Variants in TMEM181 observed in about 807,000 individuals in gnomAD.
The protein encoded by TMEM181 is transmembrane protein 181, also known as G protein-coupled receptor 178.
In TMEM181, 39 loss-of-function variants were observed where a neutral mutation model predicts 71.9. The ratio of observed to expected loss-of-function variants is 0.54; its 90% CI spans 0.42 to 0.71. The LOEUF (loss-of-function observed/expected upper bound fraction) is 0.71. TMEM181 is among the 30% of genes least tolerant of loss of function. The pLI is 0.00. For missense variants in TMEM181, 595 were observed against 583.0 expected, an observed-to-expected ratio of 1.02 and a Z score of -0.21; for synonymous variants, 245 against 228.8, an observed-to-expected ratio of 1.07 and a Z score of -0.64.
chr6:158,584,649 C>G lies in TMEM181; in HGVS notation c.259+605C>G, dbSNP rs150796013. Among the ~76,000 whole-genome samples, 28 of 152,324 alleles carry G rather than the reference C, an allele frequency of 1.8e-4. No homozygotes were observed. In the East Asian group the frequency reaches 4.4e-3, roughly 24 times the overall value. ...GAAGATAACCAAATCCTTTTCTGTT[C>G]TGTGCCTCACATGAGACACTCTGGT... On this transcript the variant is annotated intron_variant, in intron 4 of 16. Transcript: ENST00000684151.
chr6:158,607,124 T>C, intron 7 of TMEM181, 120 bp from the exon 8 acceptor site: 1 of 771,646 alleles, frequency 1.3e-6, no homozygotes, highest in Non-Finnish European at 2.3e-6. Context: ...CAGCGACTCT[T>C]AGTGGGGCAC....
chr6:158,541,007 G>A (rs1024400058), intron 1 of TMEM181, among the ~76,000 whole-genome samples: 5 of 148,248 alleles, frequency 3.4e-5, no homozygotes, highest in Admixed American at 3.3e-4. Context: ...TGAGCTCAAG[G>A]ATGTGAGGGA....
At chr6:158,612,470 TAAG>T (rs1463204486) in intron 10 of TMEM181, among the ~76,000 whole-genome samples, 1 of 152,218 alleles carries the variant, frequency 6.6e-6, no homozygotes, top group African/African-American at 2.4e-5. Context: ...TCCTGTCAGT[TAAG>T]AATCTTTGAA....
At chr6:158,631,457 A>G (rs1441017292) in intron 16 of TMEM181, 68 bp downstream of exon 16, 91 of 1,488,260 alleles carry the variant, frequency 6.1e-5, no homozygotes, top group Non-Finnish European at 8.5e-5. Flanking sequence ...ATGTTTCTGA[A>G]TGGGTTACTC....
At chr6:158,630,154 A>C (rs9364984) in intron 15 of TMEM181, among the ~76,000 whole-genome samples, 51,049 of 152,042 alleles carry the variant, frequency 0.34, 9,000 homozygotes, top group East Asian at 0.66. Context: ...ATACCCAAAC[A>C]ACCATTCTGT....
intron 5 of TMEM181, among the ~76,000 whole-genome samples, chr6:158,587,082 C>G (rs955219669): frequency 1.3e-5 from 2 of 152,166 alleles, no homozygotes; most frequent in African/African-American, 4.8e-5. Context: ...CTCAATGGAC[C>G]ATTAGTCAGG....
At chr6:158,627,855 G>C (rs1021756330) in intron 13 of TMEM181, among the ~76,000 whole-genome samples, 2 of 152,164 alleles carry the variant, frequency 1.3e-5, no homozygotes, top group Non-Finnish European at 2.9e-5. Flanking sequence ...GAAGGCAGGT[G>C]GGGGAGGAGC....
chr6:158,634,708 G>C lies in TMEM181; in HGVS notation c.*2820G>C, dbSNP rs1727308421. ...GTTCAAGGTTTGTAAGGTTGTTAAT[G>C]TACATAATTGCAGATTGCAATAAAA... is the stretch of plus-strand genomic sequence containing the variant. On this transcript the variant is annotated 3_prime_UTR_variant, in exon 17 of 17. Transcript: ENST00000684151. 4 of 152,188 alleles carry C rather than the reference G, an allele frequency of 2.6e-5. No homozygotes were observed. In the South Asian group the frequency reaches 6.2e-4, roughly 24 times the overall value. 9.4% of individuals were successfully genotyped at this position (152,188 alleles called of 1,614,324 possible). A position where few individuals can be genotyped will look rare whatever the true frequency, so the allele number is the denominator to read the frequency against.
chr6:158,601,758 G>GAA lies in TMEM181; in HGVS notation c.493-3493_493-3492dup, dbSNP rs796451394. Among the ~76,000 whole-genome samples the GAA allele has an allele frequency of 7.4e-3, 713 of 96,018 alleles. 10 individuals carry two copies. The highest frequency in any genetic ancestry group is 0.025 in the African/African-American group (678 of 26,768). The allele number at this position is 96,018 out of a possible 152,430, so 63.0% of individuals were successfully genotyped here. A position where few individuals can be genotyped will look rare whatever the true frequency, so the allele number is the denominator to read the frequency against. ...TGGGTGGCAGAGCAAGACTGTCTCA[G>GAA]AAAAAAAAAAAAAAAAACAAGGCTA... On this transcript the variant is annotated intron_variant, in intron 6 of 16. Transcript: ENST00000684151.
In TMEM181 at chr6:158,620,634, G is replaced by A. The variant is rs1239319212; in HGVS notation, c.897-2916G>A. On this transcript the variant is annotated intron_variant, in intron 10 of 16. Coordinates refer to ENST00000684151, the MANE Select transcript of TMEM181 (RefSeq NM_001376852.1). This position sits in a 1 kb window ranked among gnomAD's most constrained non-coding sequence, Gnocchi z 4.5. The stretch of plus-strand genomic sequence containing the variant: ...GCCCACTGGGGAGTAGCCCCCGCCC[G>A]AGCCTCGCAGTCCCCTTCAGATTAG... Among the ~76,000 whole-genome samples, 1 of 152,038 alleles carries A rather than the reference G, an allele frequency of 6.6e-6. No individual in the cohort carries two copies. The highest frequency in any genetic ancestry group is 2.4e-5 in the African/African-American group (1 of 41,404).
chr6:158,589,643 T>C (rs1015934630), intron 5 of TMEM181, 29 bp from the exon 6 acceptor site: 11 of 1,584,062 alleles, frequency 6.9e-6, no homozygotes, highest in Non-Finnish European at 9.5e-6. Context: ...TCGCTTTCTT[T>C]AAAGGCAAAT....
intron 1 of TMEM181, among the ~76,000 whole-genome samples, chr6:158,544,218 T>TGTGTGTGTGTGTGTGTGTG (rs1554300407): frequency 4.2e-5 from 6 of 144,158 alleles, no homozygotes; most frequent in Non-Finnish European, 6.1e-5. Context: ...TGTGTGTGTG[T>TGTGTGTGTGTGTGTGTGTG]TGGGGTGAGG....
chr6:158,605,634 G>C (rs1370982441), intron 7 of TMEM181, among the ~76,000 whole-genome samples: 3 of 152,208 alleles, frequency 2.0e-5, no homozygotes, highest in Admixed American at 6.5e-5. Flanking sequence ...TGTGTGGAAG[G>C]AAGCTGCCTT....
At chr6:158,629,677 G>C (rs1562317456) in intron 14 of TMEM181, 53 bp from the exon 15 acceptor site, 2 of 1,451,698 alleles carry the variant, frequency 1.4e-6, no homozygotes, top group Non-Finnish European at 1.9e-6. Flanking sequence ...GCTGTAGGCA[G>C]AGCCTCTGAC....
At chr6:158,556,879 C>T (rs1781909083), upstream of TMEM181, among the ~76,000 whole-genome samples, 1 of 152,112 alleles carries the variant, frequency 6.6e-6, no homozygotes. Flanking sequence ...TCTCTTGCCT[C>T]AGCCTCATGA....
At chr6:158,590,319 TA>T (rs1024638194) in intron 6 of TMEM181, among the ~76,000 whole-genome samples, 1 of 151,620 alleles carries the variant, frequency 6.6e-6, no homozygotes, top group African/African-American at 2.4e-5. Context: ...TTCTTATCTG[TA>T]AAATAGCTGC....
chr6:158,546,233 C>T lies in TMEM181; in HGVS notation c.131+9368C>T, dbSNP rs562717881. Among the ~76,000 whole-genome samples, 6 of 152,224 alleles carry T rather than the reference C, an allele frequency of 3.9e-5. No individual in the cohort carries two copies. In the East Asian group the frequency reaches 1.2e-3, roughly 29 times the overall value. On this transcript the variant is annotated intron_variant, in intron 1 of 16. Transcript: ENST00000367090. ...GGAGACTGTCCTCAGCTTCTGCAAG[C>T]GGAAATGCAAAACCAAATACCCTCC...
chr6:158,628,241 T>C (rs1276634625), intron 13 of TMEM181, 167 bp from the exon 14 acceptor site: 2 of 716,722 alleles, frequency 2.8e-6, no homozygotes, highest in African/African-American at 1.7e-5. Context: ...TGTGTGTGTG[T>C]GCATGTGTGC....
rs918502825 is a variant in TMEM181, at chr6:158,633,052, G to C, written c.*1164G>C. 2.6e-5 allele frequency: 4 copies of C among 152,242 alleles called. No homozygotes were observed. Among genetic ancestry groups the C allele is most frequent in the Non-Finnish European group, 5.9e-5 (4 of 68,058 alleles). The allele number at this position is 152,242 out of a possible 1,614,324, so 9.4% of individuals were successfully genotyped here. A position where few individuals can be genotyped will look rare whatever the true frequency, so the allele number is the denominator to read the frequency against. On this transcript the variant is annotated 3_prime_UTR_variant, in exon 17 of 17. Coordinates refer to ENST00000684151, the MANE Select transcript of TMEM181 (RefSeq NM_001376852.1). ...CCACTGCACTCCAGCCTGGGTGTCA[G>C]AGCGAGAACCCGTGTCATAAATAAA...
Sources: gnomAD v4.1 joint callset for allele counts (sites outside exome capture counted in the v4.1 genomes callset) on GRCh38, gnomAD v4.1.1 for gene constraint, Gnocchi (gnomAD v3.1) non-coding constraint, MANE v1.5 for transcripts, NCBI Gene and HGNC (gene_info 2026-07-23, HGNC 2026-07-21) for gene names.